RNF138: variants seen among roughly 807,000 people sequenced by gnomAD.
RNF138 encodes E3 ubiquitin-protein ligase RNF138.
In RNF138, 12 loss-of-function variants were observed where a neutral mutation model predicts 31.0. The ratio of observed to expected loss-of-function variants is 0.39; its 90% CI spans 0.25 to 0.63. The LOEUF (loss-of-function observed/expected upper bound fraction) is 0.63. Among genes scored for constraint, RNF138 ranks in the 20% least tolerant of loss-of-function variants. The pLI is 0.52. For synonymous variants in RNF138, 105 were observed against 99.5 expected (o/e 1.06, Z -0.33); for missense variants, 192 against 300.1 (o/e 0.64, Z 2.66).
chr18:32,130,898 T>TAAAA lies in RNF138; in HGVS notation c.*1714_*1717dup, dbSNP rs917820899. 40 of 116,892 alleles carry TAAAA rather than the reference T, an allele frequency of 3.4e-4. No homozygotes were observed. Among genetic ancestry groups the TAAAA allele is most frequent in the African/African-American group, 1.3e-3 (40 of 31,148 alleles). 7.2% of individuals were successfully genotyped at this position (116,892 alleles called of 1,614,324 possible). A position where few individuals can be genotyped will look rare whatever the true frequency, so the allele number is the denominator to read the frequency against. ...TTCTTTCAGTTACATGGGTGTAATT[T>TAAAA]AAAAAACAGCTCCTTTTTAAGACTT... is the stretch of plus-strand genomic sequence containing the variant. On this transcript the variant is annotated 3_prime_UTR_variant, in exon 8 of 8. Coordinates refer to ENST00000261593, the MANE Select transcript of RNF138 (RefSeq NM_016271.5).
chr18:32,116,758 T>G (rs919069503), intron 4 of RNF138, among the ~76,000 whole-genome samples: 1 of 152,010 alleles, frequency 6.6e-6, no homozygotes, highest in African/African-American at 2.4e-5. Context: ...TTTTTGGTGT[T>G]AAACACATTG....
chr18:32,101,490 T>A (rs1439070910), intron 2 of RNF138, among the ~76,000 whole-genome samples: 4 of 152,130 alleles, frequency 2.6e-5, no homozygotes, highest in Non-Finnish European at 5.9e-5. Flanking sequence ...GCCTCACTCT[T>A]ACAGGTTTAT....
intron 2 of RNF138, among the ~76,000 whole-genome samples, chr18:32,096,772 C>T (rs987738907): frequency 2.6e-5 from 4 of 151,996 alleles, no homozygotes; most frequent in African/African-American, 4.8e-5. Context: ...CGCTCTGTTG[C>T]GAGGAGTGCA....
At position 32,111,801 on chromosome 18, in the gene RNF138, A is replaced by G. The variant is rs768267760; in HGVS notation, c.158A>G (p.His53Arg). The G allele has an allele frequency of 9.3e-6, 15 of 1,613,712 alleles. No individual in the cohort carries two copies. Among genetic ancestry groups the G allele is most frequent in the Admixed American group, 1.7e-5 (1 of 59,928 alleles). ...FLTAMRESGA[H>R]CPLCRGNVTR... ...ACTGCAATGAGGGAAAGCGGAGCAC[A>G]TTGTCCCCTATGTCGTGGAAATGTG... The change falls in exon 3 of 8, where the codon CAT becomes CGT. Residue 53 changes from histidine to arginine, a missense_variant. Around this residue, in one of 2 missense-constraint regions of RNF138, gnomAD observed 140 missense variants for 251.7 expected, o/e 0.56. Transcript: ENST00000261593.
intron 2 of RNF138, among the ~76,000 whole-genome samples, chr18:32,098,490 A>G (rs1427085064): frequency 6.6e-6 from 1 of 152,112 alleles, no homozygotes; most frequent in Non-Finnish European, 1.5e-5. Context: ...TTACTTGAGT[A>G]GTTATGCTCT....
At chr18:32,107,814 C>G (rs1283102136) in intron 2 of RNF138, among the ~76,000 whole-genome samples, 1 of 151,150 alleles carries the variant, frequency 6.6e-6, no homozygotes, top group Non-Finnish European at 1.5e-5. Flanking sequence ...ACTGTGCCGG[C>G]CTTATTTAAT....
At chr18:32,100,749 T>G (rs1598846835) in intron 2 of RNF138, among the ~76,000 whole-genome samples, 1 of 152,114 alleles carries the variant, frequency 6.6e-6, no homozygotes, top group East Asian at 1.9e-4. Context: ...GTGTTGGGAT[T>G]ACAGGCGTGA....
At chr18:32,093,105 GCTCCCGCTCTCCCGCT>G (rs71177843) in intron 2 of RNF138, among the ~76,000 whole-genome samples, 1,769 of 149,566 alleles carry the variant, frequency 0.012, 22 homozygotes, top group South Asian at 0.038. Flanking sequence ...CTCAGCCCAA[GCTCCCGCTCTCCCGCT>G]CTCCCGCTCT....
chr18:32,125,004 C>G, intron 6 of RNF138, 159 bp downstream of exon 6: 1 of 549,828 alleles, frequency 1.8e-6, no homozygotes, highest in South Asian at 2.5e-5. Flanking sequence ...GACTGTGAAG[C>G]AAAATGAGAT....
intron 2 of RNF138, among the ~76,000 whole-genome samples, chr18:32,106,653 C>G (rs763044087): frequency 4.6e-5 from 7 of 151,902 alleles, no homozygotes; most frequent in Non-Finnish European, 7.4e-5. Context: ...CAAGCTCCGC[C>G]TCCCAGGTTC....
chr18:32,098,759 A>G (rs1347513578), intron 2 of RNF138, among the ~76,000 whole-genome samples: 1 of 151,684 alleles, frequency 6.6e-6, no homozygotes, highest in Admixed American at 6.6e-5. Context: ...AGGCTGAGGC[A>G]GGAGAATGGC....
intron 5 of RNF138, 77 bp downstream of exon 5, chr18:32,123,651 A>AAT: frequency 5.0e-6 from 5 of 1,005,260 alleles, no homozygotes; most frequent in Non-Finnish European, 7.1e-6. Flanking sequence ...TTTAAATTAA[A>AAT]CTTTTTTTTT....
intron 2 of RNF138, among the ~76,000 whole-genome samples, chr18:32,105,903 G>C (rs888485293): frequency 1.3e-5 from 2 of 152,146 alleles, no homozygotes; most frequent in African/African-American, 4.8e-5. Flanking sequence ...ACAAATGGTA[G>C]CTGAAGCAAA....
intron 1 of RNF138, among the ~76,000 whole-genome samples, 151 bp downstream of exon 1, chr18:32,092,386 C>G (rs1216543576): frequency 4.0e-5 from 6 of 150,312 alleles, no homozygotes; most frequent in Admixed American, 4.0e-4. Context: ...TGGGCGAAGA[C>G]GGGGGCTGAG....
chr18:32,098,828 G>A (rs1284321867), intron 2 of RNF138, among the ~76,000 whole-genome samples: 2 of 150,464 alleles, frequency 1.3e-5, no homozygotes, highest in African/African-American at 4.9e-5. Context: ...ACTCCAGCCC[G>A]GGCGACAGAG....
intron 2 of RNF138, among the ~76,000 whole-genome samples, chr18:32,110,359 A>G (rs1405670588): frequency 6.6e-6 from 1 of 152,178 alleles, no homozygotes. Flanking sequence ...ATTAACTACT[A>G]TTTATTGAGC....
chr18:32,112,298 C>T (rs1286479775), intron 3 of RNF138, among the ~76,000 whole-genome samples: 8 of 152,196 alleles, frequency 5.3e-5, no homozygotes, highest in Non-Finnish European at 1.2e-4. Context: ...CAGCTTTACA[C>T]ATAGAAATGT....
At chr18:32,121,324 C>T (rs1334454602) in intron 4 of RNF138, among the ~76,000 whole-genome samples, 1 of 151,840 alleles carries the variant, frequency 6.6e-6, no homozygotes, top group Non-Finnish European at 1.5e-5. Flanking sequence ...GGAGAAACTC[C>T]GTCTTTACTA....
At chr18:32,104,671 A>G (rs1181396011) in intron 2 of RNF138, among the ~76,000 whole-genome samples, 6 of 152,242 alleles carry the variant, frequency 3.9e-5, no homozygotes, top group East Asian at 1.9e-4. Context: ...CACTTACAAT[A>G]GCAACAAAAT....
Sources: gnomAD v4.1 joint callset for allele counts (sites outside exome capture counted in the v4.1 genomes callset) on GRCh38, gnomAD v4.1.1 for gene constraint, gnomAD v4.1.1 regional missense constraint, MANE v1.5 for transcripts, NCBI Gene and HGNC (gene_info 2026-07-23, HGNC 2026-07-21) for gene names.